Variants in COP1 observed in about 807,000 individuals in gnomAD.
COP1 encodes E3 ubiquitin-protein ligase COP1.
COP1 carries 24 observed loss-of-function variants against 101.3 expected under a neutral mutation model. The ratio of observed to expected loss-of-function variants is 0.24; its 90% confidence interval spans 0.17 to 0.33. The LOEUF is 0.33. Among genes scored for constraint, COP1 ranks in the 10% least tolerant of loss-of-function variants. The pLI is 1.00. For missense variants in COP1, 663 were observed against 906.2 expected (o/e 0.73, Z 3.45); for synonymous variants, 347 against 341.9 (o/e 1.01, Z -0.17).
In COP1 at chr1:175,954,826, A is replaced by C. The variant is rs1650405670; in HGVS notation, c.2134-7587T>G. Among the ~76,000 whole-genome samples the C allele has an allele frequency of 2.0e-5, 3 of 152,190 alleles. No homozygotes were observed. In the South Asian group the frequency reaches 6.2e-4, roughly 31 times the overall value. On this transcript the variant is annotated intron_variant, in intron 18 of 19. Transcript: ENST00000367669. ...TTTATAAACAGATGTAAAAAACCTT[A>C]ACAAAATACAAGTAAAGATAATTCA...
chr1:175,992,925 G>A (rs1168847552), intron 15 of COP1, among the ~76,000 whole-genome samples: 11 of 152,260 alleles, frequency 7.2e-5, no homozygotes, highest in African/African-American at 1.9e-4. Context: ...ATCTGAGAAC[G>A]GGCAGACTGC....
intron 11 of COP1, among the ~76,000 whole-genome samples, chr1:176,075,134 G>A (rs559242585): frequency 2.6e-5 from 4 of 152,174 alleles, no homozygotes; most frequent in South Asian, 4.1e-4. Flanking sequence ...CCTGCACTAC[G>A]TTATCAATGA....
chr1:175,952,983 G>C (rs1365441731), intron 18 of COP1, among the ~76,000 whole-genome samples: 1 of 152,056 alleles, frequency 6.6e-6, no homozygotes, highest in Non-Finnish European at 1.5e-5. Context: ...AAAGATATTT[G>C]ATTTCTTGTT....
intron 18 of COP1, among the ~76,000 whole-genome samples, chr1:175,969,050 G>A (rs1369464113): frequency 2.6e-5 from 4 of 152,156 alleles, no homozygotes; most frequent in African/African-American, 9.7e-5. Flanking sequence ...AGAGCTATTC[G>A]CAAATTTCCT....
intron 9 of COP1, among the ~76,000 whole-genome samples, chr1:176,111,181 T>C (rs140238539): frequency 2.6e-4 from 40 of 152,226 alleles, no homozygotes; most frequent in African/African-American, 9.1e-4. Flanking sequence ...AATAACAGTA[T>C]TTATCTCACA....
intron 18 of COP1, among the ~76,000 whole-genome samples, chr1:175,983,795 T>C (rs1157298342): frequency 6.6e-6 from 1 of 152,142 alleles, no homozygotes; most frequent in Non-Finnish European, 1.5e-5. Flanking sequence ...TGCTGGGAAA[T>C]AGAGCAAAGA....
chr1:176,014,133 G>T (rs570986320), intron 15 of COP1, among the ~76,000 whole-genome samples: 15 of 152,302 alleles, frequency 9.8e-5, no homozygotes, highest in African/African-American at 3.6e-4. Flanking sequence ...TGCAGAATTT[G>T]ATTTGAGGTG....
rs149611252 is a variant in COP1 at position 176,154,942 on chromosome 1, TAGAA to T, written c.763-5872_763-5869del. Among the ~76,000 whole-genome samples, 135 of 152,272 alleles carry T rather than the reference TAGAA, an allele frequency of 8.9e-4. 1 individual carries two copies. The Middle Eastern group carries it at 0.01, about 12-fold the overall frequency. ...AATAATTTTAATAGAAAATTTTAAA[TAGAA>T]AGATTATTAGACATAAAGAACAAAT... is the stretch of plus-strand genomic sequence containing the variant. On this transcript the variant is annotated intron_variant, in intron 5 of 19. Coordinates refer to ENST00000367669, the MANE Select transcript of COP1 (RefSeq NM_022457.7).
Position 176,033,166 on chromosome 1 carries a change from C to T in COP1, c.1613-5478G>A, listed in dbSNP as rs189660469. On this transcript the variant is annotated intron_variant, in intron 14 of 19. Transcript: ENST00000367669. ...GTGGCTCATGCCTGTAATCCCAGCA[C>T]CTTGGGAGGCCGAGGTGGGTGGATC... is the stretch of plus-strand genomic sequence containing the variant. Among the ~76,000 whole-genome samples, 468 of 152,172 alleles carry T rather than the reference C, an allele frequency of 3.1e-3. 6 individuals carry two copies. The highest frequency in any genetic ancestry group is 0.029 in the Admixed American group (436 of 15,282).
At chr1:176,066,056 T>C (rs1675907151) in intron 11 of COP1, among the ~76,000 whole-genome samples, 1 of 152,062 alleles carries the variant, frequency 6.6e-6, no homozygotes, top group South Asian at 2.1e-4. Context: ...CAAGATGAGA[T>C]GGCACCAAAA....
At chr1:176,110,325 T>C (rs1330925412) in intron 9 of COP1, among the ~76,000 whole-genome samples, 1 of 152,218 alleles carries the variant, frequency 6.6e-6, no homozygotes, top group African/African-American at 2.4e-5. Context: ...GTAGCCTCTG[T>C]TAAGTTCTTT....
intron 3 of COP1, among the ~76,000 whole-genome samples, chr1:176,174,746 G>C (rs576162433): frequency 6.6e-6 from 1 of 152,268 alleles, no homozygotes; most frequent in East Asian, 1.9e-4. Flanking sequence ...TACAAAAGTA[G>C]TCACCACACC....
At chr1:176,106,501 C>A (rs1684330405) in intron 9 of COP1, among the ~76,000 whole-genome samples, 1 of 152,230 alleles carries the variant, frequency 6.6e-6, no homozygotes, top group African/African-American at 2.4e-5. Context: ...CTTCCCTAAA[C>A]TGCTCTTAAG....
At chr1:176,177,700 T>A (rs1195377380) in intron 2 of COP1, among the ~76,000 whole-genome samples, 1 of 152,168 alleles carries the variant, frequency 6.6e-6, no homozygotes, top group Non-Finnish European at 1.5e-5. Context: ...TCCAAATTAC[T>A]ATAAATTTAC....
At chr1:176,006,628 G>C (rs1196336954) in intron 15 of COP1, among the ~76,000 whole-genome samples, 1 of 152,186 alleles carries the variant, frequency 6.6e-6, no homozygotes, top group Admixed American at 6.5e-5. Context: ...GGCTTGATAT[G>C]AAATTCTGGG....
At chr1:175,986,822 C>T in intron 18 of COP1, 121 bp downstream of exon 18, 1 of 705,072 alleles carries the variant, frequency 1.4e-6, no homozygotes, top group Non-Finnish European at 2.3e-6. Context: ...TGACACATTA[C>T]AAAGTTTTTT....
intron 15 of COP1, among the ~76,000 whole-genome samples, chr1:176,007,347 CAA>C (rs1391426402): frequency 1.3e-5 from 2 of 152,204 alleles, no homozygotes; most frequent in Admixed American, 6.5e-5. Context: ...CTCAGCTCGT[CAA>C]AGTCATTCTC....
At chr1:175,959,137 C>G (rs577084145) in intron 18 of COP1, among the ~76,000 whole-genome samples, 1 of 151,538 alleles carries the variant, frequency 6.6e-6, no homozygotes, top group East Asian at 1.9e-4. Flanking sequence ...CTTATTCCAG[C>G]GAATGTAAAG....
At chr1:175,945,526 A>T (rs190590610) in intron 19 of COP1, among the ~76,000 whole-genome samples, 315 of 152,334 alleles carry the variant, frequency 2.1e-3, no homozygotes, top group Admixed American at 5.8e-3. Context: ...CTTGTTTAGG[A>T]TTTTAATCTG....
Sources: allele counts gnomAD v4.1 joint callset (sites outside exome capture counted in the v4.1 genomes callset), GRCh38; gene constraint gnomAD v4.1.1; transcripts MANE v1.5; gene names NCBI Gene and HGNC (gene_info 2026-07-23, HGNC 2026-07-21).